ADGRL2: variants seen among roughly 807,000 people sequenced by gnomAD.
ADGRL2 encodes the protein adhesion G protein-coupled receptor L2, also known as calcium-independent alpha-latrotoxin receptor 2.
A neutral mutation model predicts 157.4 loss-of-function variants in ADGRL2; 44 were observed. That is an observed-to-expected ratio of 0.28 (90% CI 0.22 to 0.36). The LOEUF (loss-of-function observed/expected upper bound fraction) is 0.36, where lower values mean the gene tolerates loss of function less well. Ranked by LOEUF, ADGRL2 falls within the 10% of genes least tolerant of loss-of-function variation. The pLI is 1.00. For synonymous variants in ADGRL2, 585 were observed against 624.7 expected (o/e 0.94, Z 0.95); for missense variants, 1,510 against 1,768.9 (o/e 0.85, Z 2.63).
intron 2 of ADGRL2, among the ~76,000 whole-genome samples, chr1:81,846,145 T>G (rs1397485985): frequency 6.6e-6 from 1 of 151,704 alleles, no homozygotes; most frequent in East Asian, 1.9e-4. Context: ...ACCAACACAG[T>G]AGTTGAAGTT....
chr1:81,942,084 G>A (rs1648218669), intron 5 of ADGRL2, 39 bp downstream of exon 5: 2 of 748,504 alleles, frequency 2.7e-6, no homozygotes, highest in Non-Finnish European at 2.5e-6. Flanking sequence ...TCCCTGTTAT[G>A]TGCCTTATGG....
intron 3 of ADGRL2, among the ~76,000 whole-genome samples, chr1:81,606,731 C>A (rs949435514): frequency 7.4e-5 from 11 of 147,818 alleles, no homozygotes; most frequent in Non-Finnish European, 1.6e-4. Flanking sequence ...AGATAAATTT[C>A]TCAAGAGGAT....
At chr1:81,338,007 T>C (rs1661775942) in intron 1 of ADGRL2, among the ~76,000 whole-genome samples, 1 of 152,154 alleles carries the variant, frequency 6.6e-6, no homozygotes, top group African/African-American at 2.4e-5. Flanking sequence ...ATATATATAT[T>C]TGTTTTATAC....
At chr1:81,312,558 G>T (rs1191369235) in intron 1 of ADGRL2, among the ~76,000 whole-genome samples, 3 of 152,158 alleles carry the variant, frequency 2.0e-5, no homozygotes, top group Non-Finnish European at 2.9e-5. Context: ...TAAACATATG[G>T]ATTTTCTACC....
intron 1 of ADGRL2, among the ~76,000 whole-genome samples, chr1:81,327,251 C>G (rs914154823): frequency 1.3e-5 from 2 of 151,998 alleles, no homozygotes; most frequent in Admixed American, 1.3e-4. Context: ...TGGAATGGGA[C>G]GGGAGGAAGG....
chr1:81,355,335 G>A (rs1289838948), intron 1 of ADGRL2, among the ~76,000 whole-genome samples: 1 of 151,994 alleles, frequency 6.6e-6, no homozygotes, highest in African/African-American at 2.4e-5. Context: ...CTCCAGCCTG[G>A]GTGACAGAGT....
intron 1 of ADGRL2, among the ~76,000 whole-genome samples, chr1:81,817,908 T>C (rs2090574387): frequency 1.3e-5 from 2 of 152,044 alleles, no homozygotes; most frequent in Admixed American, 1.3e-4. Flanking sequence ...CTCATGCTTA[T>C]AATCCCAGCG....
At chr1:81,872,302 G>T (rs1235630048) in intron 2 of ADGRL2, among the ~76,000 whole-genome samples, 1 of 152,038 alleles carries the variant, frequency 6.6e-6, no homozygotes, top group East Asian at 1.9e-4. Flanking sequence ...ATCTGTTTTG[G>T]TACCAGTACC....
chr1:81,429,995 G>A (rs1376381408), intron 1 of ADGRL2, among the ~76,000 whole-genome samples: 4 of 152,166 alleles, frequency 2.6e-5, no homozygotes, highest in African/African-American at 9.7e-5. Flanking sequence ...CTGGGTTCAA[G>A]CGATTCTCCT....
intron 1 of ADGRL2, chr1:81,426,508 C>A: frequency 5.0e-6 from 2 of 402,776 alleles, no homozygotes; most frequent in East Asian, 7.0e-5. Flanking sequence ...CAGCTGTGAC[C>A]GTCACCGCCG....
At chr1:81,959,953 A>G (rs1654798613) in intron 11 of ADGRL2, among the ~76,000 whole-genome samples, 1 of 151,856 alleles carries the variant, frequency 6.6e-6, no homozygotes, top group Admixed American at 6.6e-5. Flanking sequence ...TGTGCTCACC[A>G]CCATGCCTGG....
At chr1:81,885,025 A>AAT in intron 2 of ADGRL2, among the ~76,000 whole-genome samples, 1 of 152,336 alleles carries the variant, frequency 6.6e-6, no homozygotes, top group South Asian at 2.1e-4. Flanking sequence ...AAAAATAATT[A>AAT]ATATAAAGCA....
chr1:81,839,742 C>T (rs1557747957), intron 2 of ADGRL2, among the ~76,000 whole-genome samples: 1 of 146,720 alleles, frequency 6.8e-6, no homozygotes, highest in African/African-American at 2.5e-5. Context: ...AGTATTCCAT[C>T]ATATATATAT....
chr1:81,877,848 C>T (rs2093882029), intron 2 of ADGRL2, among the ~76,000 whole-genome samples: 1 of 151,942 alleles, frequency 6.6e-6, no homozygotes, highest in Non-Finnish European at 1.5e-5. Context: ...TGCTTAATAG[C>T]GATTAAATCC....
At chr1:81,349,612 A>T (rs1662729471) in intron 1 of ADGRL2, among the ~76,000 whole-genome samples, 1 of 123,050 alleles carries the variant, frequency 8.1e-6, no homozygotes, top group Non-Finnish European at 1.7e-5. Flanking sequence ...TAGAGATGAT[A>T]AAGACCTGTG....
chr1:81,505,741 A>C (rs1176133883), intron 2 of ADGRL2, among the ~76,000 whole-genome samples: 2 of 35,408 alleles, frequency 5.6e-5, no homozygotes, highest in Non-Finnish European at 4.9e-5. Flanking sequence ...GTCCTCCTGC[A>C]AAAAAAAAAA....
intron 3 of ADGRL2, among the ~76,000 whole-genome samples, chr1:81,624,739 AT>A (rs1321819651): frequency 6.6e-6 from 1 of 152,234 alleles, no homozygotes; most frequent in African/African-American, 2.4e-5. Flanking sequence ...ATGGAGAAGA[AT>A]TAACTGTATA....
chr1:81,800,553 G>A (rs1031249820), upstream of ADGRL2: 7 of 152,134 alleles, frequency 4.6e-5, no homozygotes, highest in African/African-American at 1.7e-4. Context: ...CCGAAGTCCA[G>A]GCCGGGAGCA....
At chr1:81,950,935 A>G (rs576774991) in intron 7 of ADGRL2, 83 bp from the exon 8 acceptor site, 1 of 848,240 alleles carries the variant, frequency 1.2e-6, no homozygotes, top group African/African-American at 1.7e-5. Context: ...TTTAACACGC[A>G]GAGCAGGATC....
Sources: gnomAD v4.1 joint callset for allele counts (sites outside exome capture counted in the v4.1 genomes callset) on GRCh38, gnomAD v4.1.1 for gene constraint, MANE v1.5 for transcripts, NCBI Gene and HGNC (gene_info 2026-07-23, HGNC 2026-07-21) for gene names.